The following ADGRL4 variants were observed in gnomAD, a reference collection of about 807,000 sequenced individuals.
ADGRL4 encodes adhesion G protein-coupled receptor L4, also known as EGF, latrophilin and seven transmembrane domain containing 1.
Under a neutral mutation model 74.8 loss-of-function variants are expected in ADGRL4, and 90 were observed. The observed-to-expected ratio is 1.20, with a 90% confidence interval of 1.02 to 1.43. ADGRL4 has a LOEUF of 1.43. Among genes scored for constraint, ADGRL4 ranks in the 40% most tolerant of loss-of-function variants. The probability of loss-of-function intolerance (pLI) is 0.00; values close to 1 mark genes in which losing one functional copy is unlikely to be tolerated. For synonymous variants in ADGRL4, 311 were observed against 279.2 expected, an observed-to-expected ratio of 1.11 and a Z score of -1.14; for missense variants, 881 against 814.3, an observed-to-expected ratio of 1.08 and a Z score of -1.00.
Position 78,918,009 on chromosome 1 carries a change from A to C in ADGRL4, c.1503T>G (p.Phe501Leu), listed in dbSNP as rs908076426. ...SIIAGLLHYF[F>L]LAAFAWMCIE... ...TGCACATCCATGCAAAAGCAGCTAA[A>C]AAGAAGTAGTGTAGCAGTCCGGCAA... is the stretch of plus-strand genomic sequence containing the variant. Residue 501 changes from phenylalanine to leucine, a missense_variant, in exon 11 of 15, where the codon TTT (phenylalanine) becomes TTG (leucine). Phe to Leu is a conservative substitution (Grantham distance 22). Coordinates refer to ENST00000370742, the MANE Select transcript of ADGRL4 (RefSeq NM_022159.4). 10 of 1,612,318 alleles carry C rather than the reference A, an allele frequency of 6.2e-6. No individual in the cohort carries two copies. Among genetic ancestry groups the C allele is most frequent in the Non-Finnish European group, 8.5e-6 (10 of 1,178,996 alleles).
chr1:78,927,000 A>G lies in ADGRL4; in HGVS notation c.969T>C (p.Asp323=). The G allele has an allele frequency of 6.2e-7, 1 of 1,611,478 alleles. No individual in the cohort carries two copies. Residue 323 remains aspartate, a synonymous_variant, in exon 8 of 15, where the codon GAT becomes GAC. Transcript: ENST00000370742. ...TGACTCTTTCCTCCTCTTCAGAATT[A>G]TCATAATTTTGAGGTTTCAATAAGA... ...DNFLLKPQNY[D]NSEEEERVIS...
chr1:78,963,915 C>A, intron 2 of ADGRL4, among the ~76,000 whole-genome samples: 1 of 152,126 alleles, frequency 6.6e-6, no homozygotes, highest in Non-Finnish European at 1.5e-5. Flanking sequence ...GAAAATGACA[C>A]TGAGTGTAAT....
At chr1:78,983,862 G>A (rs1468747383) in intron 2 of ADGRL4, among the ~76,000 whole-genome samples, 1 of 151,734 alleles carries the variant, frequency 6.6e-6, no homozygotes. Flanking sequence ...ACTTTAAACA[G>A]TAACAACTAG....
At chr1:78,914,016 A>C (rs1005780883) in intron 12 of ADGRL4, among the ~76,000 whole-genome samples, 1 of 151,860 alleles carries the variant, frequency 6.6e-6, no homozygotes, top group African/African-American at 2.4e-5. Flanking sequence ...AATAATGGTG[A>C]TTCTTCAGTT....
At chr1:78,918,422 T>C (rs866036593) in intron 10 of ADGRL4, among the ~76,000 whole-genome samples, 41 of 152,054 alleles carry the variant, frequency 2.7e-4, no homozygotes, top group African/African-American at 9.6e-4. Context: ...TCTTTTCCTT[T>C]ATTTTATTCA....
chr1:78,910,429 T>C (rs1346887556), intron 12 of ADGRL4, among the ~76,000 whole-genome samples: 1 of 151,798 alleles, frequency 6.6e-6, no homozygotes, highest in Admixed American at 6.6e-5. Context: ...AACACATAAT[T>C]ATGAGAGTTT....
At chr1:78,949,282 G>T (rs1649675279) in intron 2 of ADGRL4, among the ~76,000 whole-genome samples, 1 of 152,044 alleles carries the variant, frequency 6.6e-6, no homozygotes, top group Non-Finnish European at 1.5e-5. Flanking sequence ...CTGAAATATT[G>T]TTACTAGTCT....
intron 2 of ADGRL4, among the ~76,000 whole-genome samples, chr1:78,994,279 G>A (rs942455327): frequency 6.6e-6 from 1 of 152,088 alleles, no homozygotes; most frequent in African/African-American, 2.4e-5. Context: ...TATTTGAGAT[G>A]GGATTACATC....
At chr1:78,978,922 A>G (rs1284564511) in intron 2 of ADGRL4, among the ~76,000 whole-genome samples, 1 of 151,906 alleles carries the variant, frequency 6.6e-6, no homozygotes, top group African/African-American at 2.4e-5. Context: ...TAATGTTGGT[A>G]TTTCACATTT....
chr1:78,981,143 G>A (rs1270996451), intron 2 of ADGRL4, among the ~76,000 whole-genome samples: 1 of 151,590 alleles, frequency 6.6e-6, no homozygotes, highest in Non-Finnish European at 1.5e-5. Context: ...TACCACTCTG[G>A]CCCCTCAACA....
chr1:79,003,925 C>A (rs1650894765), intron 2 of ADGRL4, among the ~76,000 whole-genome samples: 1 of 151,732 alleles, frequency 6.6e-6, no homozygotes, highest in African/African-American at 2.4e-5. Context: ...ATTACAAATT[C>A]TGGCTGTTTA....
rs1649395400 is a variant in ADGRL4, at chr1:78,938,108, T to C, written c.568A>G (p.Thr190Ala). Residue 190 changes from threonine (T) to alanine (A), a missense_variant, in exon 5 of 15, where the codon ACT (threonine) becomes GCT (alanine). Coordinates refer to ENST00000370742, the MANE Select transcript of ADGRL4 (RefSeq NM_022159.4). Reference protein sequence around the residue: ...ISAKDTLSNSTLTEFVKTVNN... With the variant: ...ISAKDTLSNSALTEFVKTVNN... ...AAGCTGAACATACTTACAGTAAGAG[T>C]TGAGTTAGAAAGGGTGTCCTTGGCT... The C allele has an allele frequency of 2.5e-6, 4 of 1,611,964 alleles. No homozygotes were observed. In the South Asian group the frequency reaches 3.3e-5, roughly 13 times the overall value.
At chr1:79,001,701 T>G (rs1400678490) in intron 2 of ADGRL4, among the ~76,000 whole-genome samples, 1 of 150,728 alleles carries the variant, frequency 6.6e-6, no homozygotes, top group Non-Finnish European at 1.5e-5. Flanking sequence ...ACAGACCATC[T>G]TTTTAGGTAA....
At chr1:78,980,421 T>G (rs1650375307) in intron 2 of ADGRL4, among the ~76,000 whole-genome samples, 1 of 151,964 alleles carries the variant, frequency 6.6e-6, no homozygotes, top group Non-Finnish European at 1.5e-5. Flanking sequence ...AAAAACTGTC[T>G]CTTACAATAT....
intron 3 of ADGRL4, among the ~76,000 whole-genome samples, chr1:78,944,342 A>C (rs188695363): frequency 2.4e-4 from 36 of 152,342 alleles, no homozygotes; most frequent in Non-Finnish European, 4.6e-4. Flanking sequence ...GCAGGGCTGC[A>C]TATTAGAACT....
chr1:78,999,216 A>G (rs1401050886), intron 2 of ADGRL4, among the ~76,000 whole-genome samples: 1 of 152,194 alleles, frequency 6.6e-6, no homozygotes, highest in Non-Finnish European at 1.5e-5. Context: ...ATTTTGCAAA[A>G]TAAGGTTTGC....
At chr1:78,989,533 G>T (rs184750708) in intron 2 of ADGRL4, among the ~76,000 whole-genome samples, 1 of 151,876 alleles carries the variant, frequency 6.6e-6, no homozygotes, top group Admixed American at 6.6e-5. Flanking sequence ...TAGTAAACTG[G>T]TAAAGAATGG....
intron 2 of ADGRL4, among the ~76,000 whole-genome samples, chr1:78,974,750 T>A (rs1044969835): frequency 6.6e-6 from 1 of 152,162 alleles, no homozygotes; most frequent in Non-Finnish European, 1.5e-5. Context: ...AAGCCAGAAA[T>A]GGCTGATTGA....
intron 2 of ADGRL4, among the ~76,000 whole-genome samples, chr1:78,987,703 C>T (rs1485891937): frequency 6.6e-6 from 1 of 151,676 alleles, no homozygotes; most frequent in African/African-American, 2.4e-5. Flanking sequence ...GGCAAATATT[C>T]TTGATTAATT....
Sources: allele counts gnomAD v4.1 joint callset (sites outside exome capture counted in the v4.1 genomes callset), GRCh38; gene constraint gnomAD v4.1.1; transcripts MANE v1.5; gene names NCBI Gene and HGNC (gene_info 2026-07-23, HGNC 2026-07-21).